The following ANKAR variants were observed in gnomAD, a reference collection of about 807,000 sequenced individuals.
ANKAR encodes ankyrin and armadillo repeat-containing protein.
ANKAR carries 136 observed loss-of-function variants against 146.2 expected under a neutral mutation model. The observed-to-expected ratio is 0.93, with a 90% CI of 0.81 to 1.07. The LOEUF (loss-of-function observed/expected upper bound fraction) is 1.07, where lower values mean the gene tolerates loss of function less well. Among genes scored for constraint, ANKAR ranks in the 50% least tolerant of loss-of-function variants. ANKAR has a pLI of 0.00. For missense variants in ANKAR, 1,567 were observed against 1,679.9 expected, an observed-to-expected ratio of 0.93 and a Z score of 1.18; for synonymous variants, 500 against 575.8, an observed-to-expected ratio of 0.87 and a Z score of 1.88.
At position 189,755,135 on chromosome 2, in the gene ANKAR, C is replaced by T. The variant is rs565217468; in HGVS notation, c.*585-5963C>T. ...ATTGCTACTTAGTTGAAATGGACAA[C>T]ATAACAAAAAAGAATGGAGAAATTA... On this transcript the variant is annotated intron_variant and NMD_transcript_variant, in intron 18 of 18. Coordinates refer to the ANKAR transcript ENST00000441800. 15 of 1,585,202 alleles carry T rather than the reference C, an allele frequency of 9.5e-6. No homozygotes were observed. The Admixed American group carries it at 2.6e-4, about 27-fold the overall frequency.
chr2:189,746,380 G>A lies in ANKAR; in HGVS notation c.4058G>A (p.Gly1353Glu). The A allele has an allele frequency of 3.8e-6, 6 of 1,599,336 alleles. No homozygotes were observed. Among genetic ancestry groups the A allele is most frequent in the Non-Finnish European group, 5.1e-6 (6 of 1,175,770 alleles). Residue 1353 changes from glycine to glutamate, a missense_variant and splice_region_variant, in exon 23 of 23, where the codon GGG becomes GAG. Gly to Glu is a moderately conservative substitution (Grantham distance 98). Coordinates refer to ENST00000684021, the MANE Select transcript of ANKAR (RefSeq NM_001378068.1). ...ACATTTAATTGTGGCTAATTTTTAG[G>A]GAAGGAGCACCGAAGAAAATTAAAA... ...GPSIIPIFKR[G>E]KEHRRKLKPK...
At chr2:189,761,115 C>A in exon 19 of ANKAR, 1 of 213,240 alleles carries the variant, frequency 4.7e-6, no homozygotes, top group Non-Finnish European at 9.1e-6. Flanking sequence ...AGGACTTCAG[C>A]TGAGACCATG....
chr2:189,759,469 C>T (rs555808402), intron 18 of ANKAR, among the ~76,000 whole-genome samples: 3 of 152,280 alleles, frequency 2.0e-5, no homozygotes, highest in African/African-American at 7.2e-5. Flanking sequence ...CCAGGATGGT[C>T]TCAATCTCCT....
intron 22 of ANKAR, among the ~76,000 whole-genome samples, chr2:189,745,671 T>C (rs927912547): frequency 2.0e-5 from 3 of 152,202 alleles, no homozygotes; most frequent in Admixed American, 6.5e-5. Flanking sequence ...TCTTGATACG[T>C]TGTCCTATCA....
At chr2:189,706,874 A>G in intron 8 of ANKAR, 64 bp from the exon 9 acceptor site, 1 of 1,272,544 alleles carries the variant, frequency 7.9e-7, no homozygotes, top group Non-Finnish European at 1.1e-6. Context: ...CAGCTTGAAT[A>G]GTTTTACAAA....
Position 189,674,710 on chromosome 2 carries a change from C to T in ANKAR, c.-156C>T, listed in dbSNP as rs2033225964. 6.6e-6 allele frequency: 1 copy of T among 152,302 alleles called. No individual in the cohort carries two copies. Among genetic ancestry groups the T allele is most frequent in the Non-Finnish European group, 1.5e-5 (1 of 68,098 alleles). The allele number at this position is 152,302 out of a possible 1,614,324, so 9.4% of individuals were successfully genotyped here. On this transcript the variant is annotated 5_prime_UTR_variant, in exon 1 of 23. Transcript: ENST00000684021. ...GCCTCCCGCTCGCCCTTGCGGAGGC[C>T]CTGAGGGCGGATTCAAGGCCCCGCG...
intron 7 of ANKAR, among the ~76,000 whole-genome samples, chr2:189,704,817 C>T (rs2038700041): frequency 6.8e-6 from 1 of 147,334 alleles, no homozygotes; most frequent in African/African-American, 2.5e-5. Flanking sequence ...TTTTTTGTTT[C>T]CAAGTATGGA....
In ANKAR at chr2:189,694,975, TTA is replaced by T; in HGVS notation, c.1308-3_1308-2del. The T allele has an allele frequency of 1.4e-6, 2 of 1,431,406 alleles. No homozygotes were observed. Among genetic ancestry groups the T allele is most frequent in the South Asian group, 1.7e-5 (1 of 57,910 alleles). The allele number at this position is 1,431,406 out of a possible 1,614,324, so 88.7% of individuals were successfully genotyped here. A position where few individuals can be genotyped will look rare whatever the true frequency, so the allele number is the denominator to read the frequency against. On this transcript the variant is annotated splice_polypyrimidine_tract_variant and splice_region_variant and intron_variant, in intron 5 of 22. Coordinates refer to ENST00000684021, the MANE Select transcript of ANKAR (RefSeq NM_001378068.1). ...GAAACATCTTTTTTTTCTTTATTTT[TTA>T]TAGCTACTATGTGATCTATTTTGAA...
At chr2:189,744,131 A>G (rs1465080218) in intron 21 of ANKAR, among the ~76,000 whole-genome samples, 1 of 152,216 alleles carries the variant, frequency 6.6e-6, no homozygotes, top group African/African-American at 2.4e-5. Flanking sequence ...TAACTCTATG[A>G]TAACGGAAGA....
chr2:189,701,899 T>C (rs1194641420), intron 7 of ANKAR, among the ~76,000 whole-genome samples: 2 of 152,182 alleles, frequency 1.3e-5, no homozygotes, highest in Non-Finnish European at 2.9e-5. Context: ...ATGTATTGGG[T>C]AAAAGAAACT....
rs951061669 is a variant in ANKAR, at chr2:189,725,309, C to CACACACAT, written c.2636-2545_2636-2538dup. Among the ~76,000 whole-genome samples the CACACACAT allele has an allele frequency of 1.7e-3, 254 of 148,608 alleles. 1 individual carries two copies. Among genetic ancestry groups the CACACACAT allele is most frequent in the African/African-American group, 6.1e-3 (238 of 39,102 alleles). ...ACACACACACACACACACACACACA[C>CACACACAT]ACACACATATATATGATCCAGAAGC... On this transcript the variant is annotated intron_variant, in intron 12 of 22. Transcript: ENST00000684021.
rs1422561376 is a variant in ANKAR, at chr2:189,736,502, T to TTTTTTTGTG, written c.3424-1180_3424-1179insTTTTTGTGT. Among the ~76,000 whole-genome samples the TTTTTTTGTG allele has an allele frequency of 2.3e-4, 33 of 141,984 alleles. 5 individuals carry two copies. Among genetic ancestry groups the TTTTTTTGTG allele is most frequent in the African/African-American group, 8.5e-4 (33 of 39,024 alleles). 93.1% of individuals were successfully genotyped at this position (141,984 alleles called of 152,430 possible). On this transcript the variant is annotated intron_variant, in intron 17 of 22. Coordinates refer to ENST00000684021, the MANE Select transcript of ANKAR (RefSeq NM_001378068.1). Reference sequence around the variant, plus strand: ...TTTTGCCTATTTAGGTGACTGGGTTTTGTGTGTGTGTGTGTGTGTGTGTGT... The same window carrying TTTTTTTGTG: ...TTTTGCCTATTTAGGTGACTGGGTTTTTTTTTGTGTGTGTGTGTGTGTGTGTGTGTGTGT...
chr2:189,688,552 G>A (rs1318811048), intron 2 of ANKAR, among the ~76,000 whole-genome samples: 2 of 152,138 alleles, frequency 1.3e-5, no homozygotes, highest in Non-Finnish European at 2.9e-5. Flanking sequence ...CTTATAAAGG[G>A]TTACAGTCTT....
chr2:189,692,567 A>T (rs1316658617), intron 4 of ANKAR, 149 bp downstream of exon 4: 1 of 655,664 alleles, frequency 1.5e-6, no homozygotes. Flanking sequence ...ACATTATTTT[A>T]ACATCAATGA....
chr2:189,762,668 T>C, downstream of ANKAR: 1 of 984,888 alleles, frequency 1.0e-6, no homozygotes, highest in Non-Finnish European at 1.2e-6. Flanking sequence ...GGGTGAAGAG[T>C]GAGCAATTTC....
intron 2 of ANKAR, among the ~76,000 whole-genome samples, chr2:189,677,495 C>T (rs774703626): frequency 5.6e-4 from 85 of 152,024 alleles, no homozygotes; most frequent in Admixed American, 1.7e-3. Context: ...TATGCCTTTG[C>T]GTCCTCATAG....
At chr2:189,712,371 G>A (rs1030411141) in intron 10 of ANKAR, among the ~76,000 whole-genome samples, 9 of 152,196 alleles carry the variant, frequency 5.9e-5, no homozygotes, top group African/African-American at 7.2e-5. Context: ...TCATACAGGC[G>A]GGTGCCCCTC....
downstream of ANKAR, chr2:189,746,653 C>A: frequency 1.9e-6 from 3 of 1,548,748 alleles, no homozygotes; most frequent in South Asian, 2.5e-5. Flanking sequence ...TGAAAGGATT[C>A]CTGAGCCATC....
rs541667612 is a variant in ANKAR at position 189,738,494 on chromosome 2, A to G, written c.3583-71A>G. On this transcript the variant is annotated intron_variant, in intron 18 of 22. Coordinates refer to ENST00000684021, the MANE Select transcript of ANKAR (RefSeq NM_001378068.1). ...AAGAATTAAAAAAAAAACATAAAAA[A>G]TGACAAACGTGTAATTAGAGAAGCT... 266 of 941,064 alleles carry G rather than the reference A, an allele frequency of 2.8e-4. 2 individuals carry two copies. The African/African-American group carries it at 3.8e-3, about 14-fold the overall frequency. 58.3% of individuals were successfully genotyped at this position (941,064 alleles called of 1,614,324 possible). A position where few individuals can be genotyped will look rare whatever the true frequency, so the allele number is the denominator to read the frequency against.
Sources: gnomAD v4.1 joint callset for allele counts (sites outside exome capture counted in the v4.1 genomes callset) on GRCh38, gnomAD v4.1.1 for gene constraint, MANE v1.5 for transcripts, NCBI Gene and HGNC (gene_info 2026-07-23, HGNC 2026-07-21) for gene names.